The following STK32A variants were observed in gnomAD, a reference collection of about 807,000 sequenced individuals.
The protein encoded by STK32A is serine/threonine kinase 32A, also known as serine/threonine-protein kinase 32A.
STK32A carries 41 observed loss-of-function variants against 53.2 expected under a neutral mutation model. The observed-to-expected ratio is 0.77, with a 90% CI of 0.60 to 1.00. The LOEUF (loss-of-function observed/expected upper bound fraction) is 1.00, where lower values mean the gene tolerates loss of function less well. Ranked by LOEUF, STK32A falls within the 50% of genes least tolerant of loss-of-function variation. STK32A has a pLI of 0.00. For missense variants in STK32A, 458 were observed against 485.8 expected, an observed-to-expected ratio of 0.94 and a Z score of 0.54; for synonymous variants, 166 against 162.8, an observed-to-expected ratio of 1.02 and a Z score of -0.15.
At chr5:147,348,661 G>A in intron 6 of STK32A, 1 of 765,026 alleles carries the variant, frequency 1.3e-6, no homozygotes. Flanking sequence ...CTGCTCATCT[G>A]AATCACCTGT....
At chr5:147,292,342 C>G (rs928420353) in intron 4 of STK32A, among the ~76,000 whole-genome samples, 4 of 152,184 alleles carry the variant, frequency 2.6e-5, no homozygotes, top group Admixed American at 2.6e-4. Context: ...CAGAAGAAAA[C>G]AGGTTCTTAC....
intron 11 of STK32A, 165 bp downstream of exon 11, chr5:147,375,383 C>A: frequency 1.4e-6 from 1 of 726,000 alleles, no homozygotes; most frequent in Non-Finnish European, 2.1e-6. Flanking sequence ...CAGAGCTCCT[C>A]TGAGGATCCT....
chr5:147,397,080 A>T, the STK32A span, among the ~76,000 whole-genome samples: 1 of 148,126 alleles, frequency 6.8e-6, no homozygotes, highest in African/African-American at 2.4e-5. Context: ...ATATATAAAT[A>T]TAATACATAT....
chr5:147,297,318 C>G (rs998064299), intron 4 of STK32A, among the ~76,000 whole-genome samples: 1 of 152,142 alleles, frequency 6.6e-6, no homozygotes, highest in Non-Finnish European at 1.5e-5. Flanking sequence ...CAGATAGAGA[C>G]AGGAAATCAA....
chr5:147,334,846 A>G (rs1755039173), intron 5 of STK32A, among the ~76,000 whole-genome samples: 1 of 152,136 alleles, frequency 6.6e-6, no homozygotes, highest in African/African-American at 2.4e-5. Context: ...TTGAATAATT[A>G]CTGTGCACCA....
At position 147,326,527 on chromosome 5, in the gene STK32A, T is replaced by C. The variant is rs141224380; in HGVS notation, c.434+2456T>C. On this transcript the variant is annotated intron_variant, in intron 5 of 12. Transcript: ENST00000397936. Reference sequence around the variant, plus strand: ...TCTCCTGAGGAGTTGTGACATTTGGTGTATAATTAATTCATTTGTCTCCTT... The same window carrying C: ...TCTCCTGAGGAGTTGTGACATTTGGCGTATAATTAATTCATTTGTCTCCTT... Among the ~76,000 whole-genome samples the C allele has an allele frequency of 9.3e-3, 1,420 of 152,306 alleles. 10 individuals carry two copies. The highest frequency in any genetic ancestry group is 0.031 in the South Asian group (149 of 4,826).
intron 10 of STK32A, 117 bp from the exon 11 acceptor site, chr5:147,374,973 A>G (rs1191008815): frequency 1.5e-5 from 11 of 731,854 alleles, no homozygotes; most frequent in East Asian, 3.3e-5. Context: ...TGGGAATCCC[A>G]GTGTATTATT....
At chr5:147,282,436 C>T (rs548555056) in intron 4 of STK32A, among the ~76,000 whole-genome samples, 226 of 152,240 alleles carry the variant, frequency 1.5e-3, no homozygotes, top group Non-Finnish European at 2.6e-3. Flanking sequence ...CGGTACCTCA[C>T]ATTTCAATAC....
intron 5 of STK32A, among the ~76,000 whole-genome samples, chr5:147,325,012 G>T (rs552712160): frequency 1.6e-4 from 24 of 152,230 alleles, no homozygotes; most frequent in African/African-American, 5.8e-4. Context: ...TCAAAGGTTT[G>T]CCAAGGACAA....
chr5:147,299,501 G>A (rs953379233), intron 4 of STK32A, among the ~76,000 whole-genome samples: 1 of 152,190 alleles, frequency 6.6e-6, no homozygotes, highest in Non-Finnish European at 1.5e-5. Context: ...TTAAGATGGA[G>A]TTGCTCTGGT....
downstream of STK32A, among the ~76,000 whole-genome samples, chr5:147,390,313 T>G (rs531562213): frequency 2.0e-5 from 3 of 152,278 alleles, no homozygotes; most frequent in Admixed American, 2.0e-4. Flanking sequence ...AGAGCAGATA[T>G]AGCAAATAAT....
chr5:147,348,670 G>T (rs1487679196), intron 6 of STK32A: 1 of 768,900 alleles, frequency 1.3e-6, no homozygotes, highest in Non-Finnish European at 2.4e-6. Flanking sequence ...TGAATCACCT[G>T]TGGAATTTGT....
intron 5 of STK32A, among the ~76,000 whole-genome samples, chr5:147,332,907 C>G (rs997734682): frequency 2.6e-5 from 4 of 152,152 alleles, no homozygotes; most frequent in Admixed American, 2.6e-4. Flanking sequence ...TCACACAAAG[C>G]CACCCATTTG....
chr5:147,281,409 A>G (rs1337046696), intron 4 of STK32A, among the ~76,000 whole-genome samples: 1 of 152,198 alleles, frequency 6.6e-6, no homozygotes, highest in Non-Finnish European at 1.5e-5. Flanking sequence ...CTTAAAGAAA[A>G]AACAATACAA....
At chr5:147,344,970 C>T (rs1247155373) in intron 6 of STK32A, among the ~76,000 whole-genome samples, 1 of 152,306 alleles carries the variant, frequency 6.6e-6, no homozygotes, top group Non-Finnish European at 1.5e-5. Context: ...CAACTTCTTC[C>T]TCCTCCTCAT....
intron 7 of STK32A, among the ~76,000 whole-genome samples, chr5:147,360,905 A>G (rs947119771): frequency 1.3e-5 from 2 of 152,192 alleles, no homozygotes; most frequent in Admixed American, 1.3e-4. Context: ...AATTGACTGT[A>G]GCTCTGCCTT....
At position 147,383,503 on chromosome 5, in the gene STK32A, AAAGT is replaced by A. The variant is rs1757533698; in HGVS notation, c.1097+5_1097+8del. 3 of 1,587,114 alleles carry A rather than the reference AAAGT, an allele frequency of 1.9e-6. No homozygotes were observed. The highest frequency in any genetic ancestry group is 1.3e-5 in the African/African-American group (1 of 74,406). ...AGGAGTTCATAATTTTCAACAGAGAAAAGTAAGTAATTCCTGGGAGAACAACAGC... is the reference window on the plus strand; with the variant it reads ...AGGAGTTCATAATTTTCAACAGAGAAAAGTAATTCCTGGGAGAACAACAGC... On this transcript the variant is annotated splice_donor_variant and coding_sequence_variant, in exon 12 of 13. Transcript: ENST00000397936. LOFTEE classifies it high-confidence loss of function.
chr5:147,352,333 A>G (rs1756022218), intron 7 of STK32A, among the ~76,000 whole-genome samples: 1 of 152,216 alleles, frequency 6.6e-6, no homozygotes, highest in African/African-American at 2.4e-5. Context: ...TGCCTTGACA[A>G]TTCAGCATTT....
chr5:147,248,121 CAAAA>C (rs34098316), intron 2 of STK32A, among the ~76,000 whole-genome samples: 50 of 80,124 alleles, frequency 6.2e-4, no homozygotes, highest in African/African-American at 1.5e-3. Context: ...AACTCCGTCT[CAAAA>C]AAAAAAAAAA....
Sources: allele counts gnomAD v4.1 joint callset (sites outside exome capture counted in the v4.1 genomes callset), GRCh38; gene constraint gnomAD v4.1.1; transcripts MANE v1.5; gene names NCBI Gene and HGNC (gene_info 2026-07-23, HGNC 2026-07-21).